Variants in RICTOR observed in about 807,000 individuals in gnomAD.
RICTOR encodes RPTOR independent companion of MTOR complex 2, also known as rapamycin-insensitive companion of mTOR.
RICTOR carries 49 observed loss-of-function variants against 214.9 expected under a neutral mutation model. The observed-to-expected ratio is 0.23, with a 90% CI of 0.18 to 0.29. The LOEUF (loss-of-function observed/expected upper bound fraction) is 0.29, where lower values mean the gene tolerates loss of function less well. Ranked by LOEUF, RICTOR falls within the 10% of genes least tolerant of loss-of-function variation. The probability of loss-of-function intolerance (pLI) is 1.00; values close to 1 mark genes in which losing one functional copy is unlikely to be tolerated. For missense variants in RICTOR, 1,625 were observed against 2,047.0 expected (o/e 0.79, Z 3.98); for synonymous variants, 717 against 711.3 (o/e 1.01, Z -0.13).
intron 7 of RICTOR, among the ~76,000 whole-genome samples, chr5:38,987,560 C>T (rs1303700035): frequency 6.6e-6 from 1 of 151,926 alleles, no homozygotes; most frequent in Non-Finnish European, 1.5e-5. Flanking sequence ...TGGTGATATC[C>T]CCTTTATCAT....
rs569723648 is a variant in RICTOR, at chr5:39,060,789, C to T, written c.97+13322G>A. 1.3e-3 allele frequency among the ~76,000 whole-genome samples: 192 copies of T among 152,050 alleles called. 2 individuals carry two copies. Among genetic ancestry groups the T allele is most frequent in the Admixed American group, 0.011 (163 of 15,276 alleles). ...CATAGAATACTCATTTAGTCTTAGT[C>T]ATATGATTTATCTTATACATGATGC... On this transcript the variant is annotated intron_variant, in intron 2 of 37. Transcript: ENST00000357387.
At position 38,949,873 on chromosome 5, in the gene RICTOR, T is replaced by C. The variant is rs140549164; in HGVS notation, c.3975A>G (p.Arg1325=). The C allele has an allele frequency of 1.2e-6, 2 of 1,613,360 alleles. No individual in the cohort carries two copies. Among genetic ancestry groups the C allele is most frequent in the Non-Finnish European group, 1.7e-6 (2 of 1,179,566 alleles). ...TCAGTGTAGCATAGCCAAAAGCATC[T>C]CTAGAACTTGTGTAACTAAAGTTAC... The part of the protein sequence containing the change: ...ADCNFSYTSS[R]DAFGYATLKR... Residue 1325 remains arginine, a synonymous_variant, in exon 31 of 38, where the codon AGA becomes AGG. Coordinates refer to ENST00000357387, the MANE Select transcript of RICTOR (RefSeq NM_152756.5).
At chr5:38,953,739 A>G (rs189025738) in intron 27 of RICTOR, among the ~76,000 whole-genome samples, 186 bp from the exon 28 acceptor site, 6 of 151,968 alleles carry the variant, frequency 3.9e-5, no homozygotes, top group Admixed American at 3.9e-4. Flanking sequence ...ACATTCTAGA[A>G]TTATCACTTA....
At chr5:39,054,481 ACTT>A (rs2150193723) in intron 2 of RICTOR, among the ~76,000 whole-genome samples, 1 of 152,364 alleles carries the variant, frequency 6.6e-6, no homozygotes, top group South Asian at 2.1e-4. Context: ...TATTTTCAGT[ACTT>A]CTTCATATTC....
chr5:38,988,882 G>A (rs1028505098), intron 7 of RICTOR, among the ~76,000 whole-genome samples: 1 of 152,048 alleles, frequency 6.6e-6, no homozygotes, highest in Admixed American at 6.6e-5. Context: ...ACAAATGGAA[G>A]AACATTCCAT....
At chr5:38,953,364 T>C (rs958719178) in intron 28 of RICTOR, 97 bp downstream of exon 28, 36 of 553,716 alleles carry the variant, frequency 6.5e-5, no homozygotes, top group Admixed American at 4.5e-4. Context: ...ATCTAATAAG[T>C]AGTTCCAAAG....
In RICTOR at chr5:38,940,276, A is replaced by G. The variant is rs1747417354; in HGVS notation, c.*2028T>C. On this transcript the variant is annotated 3_prime_UTR_variant, in exon 38 of 38. Coordinates refer to ENST00000357387, the MANE Select transcript of RICTOR (RefSeq NM_152756.5). ...GTGTGTGTAAGACAAAAAAAAAATT[A>G]CTGTTAACTTTTGAGGGATTAAACC... 4.3e-6 allele frequency: 1 copy of G among 231,558 alleles called. No individual in the cohort carries two copies. Among genetic ancestry groups the G allele is most frequent in the Non-Finnish European group, 8.5e-6 (1 of 116,982 alleles). The allele number at this position is 231,558 out of a possible 1,614,324, so 14.3% of individuals were successfully genotyped here. A position where few individuals can be genotyped will look rare whatever the true frequency, so the allele number is the denominator to read the frequency against.
At position 39,021,019 on chromosome 5, in the gene RICTOR, T is replaced by A. The variant is rs1369076611; in HGVS notation, c.195+20A>T. 2 of 1,168,718 alleles carry A rather than the reference T, an allele frequency of 1.7e-6. No homozygotes were observed. Among genetic ancestry groups the A allele is most frequent in the Non-Finnish European group, 2.6e-6 (2 of 773,900 alleles). 72.4% of individuals were successfully genotyped at this position (1,168,718 alleles called of 1,614,324 possible). On this transcript the variant is annotated intron_variant, in intron 3 of 37. Transcript: ENST00000357387. Reference sequence around the variant, plus strand: ...AGGAACAAAGAATTTTAGACAATAATAAAAATTCAAGTTACTTACCTTAGT... The same window carrying A: ...AGGAACAAAGAATTTTAGACAATAAAAAAAATTCAAGTTACTTACCTTAGT...
At chr5:39,050,342 TTTC>T (rs1026897809) in intron 2 of RICTOR, among the ~76,000 whole-genome samples, 4 of 152,050 alleles carry the variant, frequency 2.6e-5, no homozygotes, top group Non-Finnish European at 5.9e-5. Flanking sequence ...CTTTGTTTTT[TTTC>T]TTCTTTTTTG....
chr5:38,970,974 A>G (rs761191646), intron 11 of RICTOR: 2 of 152,246 alleles, frequency 1.3e-5, no homozygotes, highest in African/African-American at 2.4e-5. Flanking sequence ...GTTTTAATGA[A>G]TAAAGCATAA....
At chr5:39,057,292 T>A (rs905055476) in intron 2 of RICTOR, among the ~76,000 whole-genome samples, 2 of 152,162 alleles carry the variant, frequency 1.3e-5, no homozygotes, top group Admixed American at 1.3e-4. Flanking sequence ...ATGGTTCCAT[T>A]GATGTTGGTT....
chr5:39,074,233 C>A, intron 1 of RICTOR, 75 bp from the exon 2 acceptor site: 2 of 1,574,752 alleles, frequency 1.3e-6, no homozygotes, highest in South Asian at 2.3e-5. Context: ...CTCCGGCCAG[C>A]GCCCCGGCTC....
chr5:38,953,204 GCCT>G (rs973491478), intron 28 of RICTOR, 113 bp from the exon 29 acceptor site: 6 of 702,086 alleles, frequency 8.5e-6, no homozygotes, highest in Admixed American at 8.1e-5. Context: ...AAATGTAAAA[GCCT>G]CCTCAAGTAC....
chr5:38,985,086 C>T (rs568964345), intron 7 of RICTOR, among the ~76,000 whole-genome samples: 4 of 152,304 alleles, frequency 2.6e-5, no homozygotes, highest in Admixed American at 2.6e-4. Context: ...GCTGGGATTA[C>T]AGGCGTGAGC....
chr5:39,057,585 C>T (rs1027662337), intron 2 of RICTOR, among the ~76,000 whole-genome samples: 3 of 151,924 alleles, frequency 2.0e-5, no homozygotes, highest in African/African-American at 7.3e-5. Context: ...ATAATATAAT[C>T]CTGGTTAAAA....
At chr5:39,071,394 A>G (rs570363354) in intron 2 of RICTOR, among the ~76,000 whole-genome samples, 1 of 152,258 alleles carries the variant, frequency 6.6e-6, no homozygotes, top group East Asian at 1.9e-4. Flanking sequence ...TAACAAGTTT[A>G]TAATATTCAA....
rs753751643 is a variant in RICTOR, at chr5:38,946,501, GAT to G, written c.4364_4365del (p.Asp1455AlafsTer9). The G allele has an allele frequency of 1.2e-6, 2 of 1,611,456 alleles. No individual in the cohort carries two copies. Among genetic ancestry groups the G allele is most frequent in the East Asian group, 4.5e-5 (2 of 44,794 alleles). On this transcript the variant is annotated frameshift_variant, in exon 33 of 38. Coordinates refer to ENST00000357387, the MANE Select transcript of RICTOR (RefSeq NM_152756.5). LOFTEE classifies it high-confidence loss of function. Reference protein sequence around the residue: ...FQTKNIPPHDDRGARAFAHDA... With the variant: ...FQTKNIPPHDXRGARAFAHDA... ...TCATGGGCAAATGCTCTTGCACCTC[GAT>G]CATCATGTGGTGGTATGTTTTTTGT...
chr5:38,965,975 T>C (rs1750180239), intron 15 of RICTOR, among the ~76,000 whole-genome samples: 1 of 152,154 alleles, frequency 6.6e-6, no homozygotes, highest in Non-Finnish European at 1.5e-5. Flanking sequence ...TCTAAAAATA[T>C]AAATTCCTAC....
At position 38,966,668 on chromosome 5, in the gene RICTOR, G is replaced by C. The variant is rs1750252046; in HGVS notation, c.1272C>G (p.Thr424=). Residue 424 remains threonine, a synonymous_variant, in exon 15 of 38, where the codon ACC becomes ACG. Transcript: ENST00000357387. The part of the protein sequence containing the change: ...NSDDHISVRA[T]ILLGELLHMA... The stretch of plus-strand genomic sequence containing the variant: ...TATGTAAAAGCTCTCCTAAAAGGAT[G>C]GTAGCTCTAACTGAGATATGATCAT... The C allele has an allele frequency of 6.3e-7, 1 of 1,588,696 alleles. No individual in the cohort carries two copies. Among genetic ancestry groups the C allele is most frequent in the African/African-American group, 1.3e-5 (1 of 74,230 alleles).
Sources: gnomAD v4.1 joint callset for allele counts (sites outside exome capture counted in the v4.1 genomes callset) on GRCh38, gnomAD v4.1.1 for gene constraint, MANE v1.5 for transcripts, NCBI Gene and HGNC (gene_info 2026-07-23, HGNC 2026-07-21) for gene names.